The following PRSS50 variants were observed in gnomAD, a reference collection of about 807,000 sequenced individuals.
PRSS50 encodes serine protease 50, also known as probable threonine protease PRSS50.
In PRSS50, 23 loss-of-function variants were observed where a neutral mutation model predicts 34.2. The observed-to-expected ratio is 0.67, with a 90% CI of 0.48 to 0.95. The LOEUF is 0.95. PRSS50 is among the 40% of genes least tolerant of loss of function. The pLI is 0.00. For missense variants in PRSS50, 484 were observed against 513.4 expected (o/e 0.94, Z 0.55); for synonymous variants, 224 against 211.2 (o/e 1.06, Z -0.53).
In PRSS50 at chr3:46,717,414, G is replaced by A. The variant is rs1168859405; in HGVS notation, c.307+23C>T. On this transcript the variant is annotated intron_variant, in intron 2 of 5. Transcript: ENST00000315170. This position sits in a 1 kb window ranked among gnomAD's most constrained non-coding sequence, Gnocchi z 4.5. ...CCTCTGTCACCCTCCTTGCCCCACG[G>A]AGTCTACACCCCTGGTACTCACAGC... is the stretch of plus-strand genomic sequence containing the variant. The A allele has an allele frequency of 2.5e-6, 4 of 1,608,992 alleles. No homozygotes were observed. Among genetic ancestry groups the A allele is most frequent in the Non-Finnish European group, 3.4e-6 (4 of 1,177,456 alleles).
Position 46,717,100 on chromosome 3 carries a change from T to G in PRSS50, c.307+337A>C, listed in dbSNP as rs1700692963. Among the ~76,000 whole-genome samples the G allele has an allele frequency of 6.6e-6, 1 of 152,132 alleles. No homozygotes were observed. ...CTGGGAGCCTGGGTCAGAGGCATGA[T>G]GGGTGTCAGGGCCTGGAGCAGGGTG... is the stretch of plus-strand genomic sequence containing the variant. On this transcript the variant is annotated intron_variant, in intron 2 of 5. Transcript: ENST00000315170. The surrounding 1 kb of genome is among the most constrained non-coding windows in gnomAD (Gnocchi z 4.5).
rs200486713 is a variant in PRSS50 at position 46,714,212 on chromosome 3, A to G, written c.754+6T>C. ...CCCGCCCTGGTCTGCAGAGGCTTTG[A>G]CTCACCGTCAGCCTTGGAAAGTCCC... On this transcript the variant is annotated splice_donor_region_variant and intron_variant, in intron 4 of 5. Transcript: ENST00000315170. The G allele has an allele frequency of 6.2e-7, 1 of 1,612,620 alleles. No homozygotes were observed. The highest frequency in any genetic ancestry group is 2.2e-5 in the East Asian group (1 of 44,806).
At chr3:46,713,639 C>A (rs1011417802) in intron 4 of PRSS50, among the ~76,000 whole-genome samples, 1 of 152,248 alleles carries the variant, frequency 6.6e-6, no homozygotes, top group Non-Finnish European at 1.5e-5. Context: ...CAGGGAAGGG[C>A]ATCTCTCTTA....
At position 46,717,752 on chromosome 3, in the gene PRSS50, G is replaced by GCA; in HGVS notation, c.72_73insTG (p.Leu25CysfsTer9). The GCA allele has an allele frequency of 6.3e-7, 1 of 1,591,932 alleles. No homozygotes were observed. The highest frequency in any genetic ancestry group is 1.7e-5 in the Admixed American group (1 of 57,238). On this transcript the variant is annotated frameshift_variant, in exon 1 of 6. Coordinates refer to ENST00000315170, the MANE Select transcript of PRSS50 (RefSeq NM_013270.5). LOFTEE classifies it high-confidence loss of function. The surrounding 1 kb of genome is among the most constrained non-coding windows in gnomAD (Gnocchi z 4.5). ...CTCAGCAACAGAAGCAGCAGCAGCA[G>GCA]GGCACCGGCGCGGGAGGGGGCAGAC... is the stretch of plus-strand genomic sequence containing the variant.
At position 46,712,118 on chromosome 3, in the gene PRSS50, A is replaced by G. The variant is rs73831200; in HGVS notation, c.*128T>C. On this transcript the variant is annotated 3_prime_UTR_variant, in exon 6 of 6. Transcript: ENST00000315170. ...CTCTGAGGCCGGGGAAGAAGGAGGCATGGAAAACAGTAATGTTTAATTGAG... is the reference window on the plus strand; with the variant it reads ...CTCTGAGGCCGGGGAAGAAGGAGGCGTGGAAAACAGTAATGTTTAATTGAG... The G allele has an allele frequency of 3.9e-3, 3,402 of 869,928 alleles. 63 individuals are homozygous for G. In the African/African-American group the frequency reaches 0.049, roughly 13 times the overall value. 53.9% of individuals were successfully genotyped at this position (869,928 alleles called of 1,614,324 possible).
intron 4 of PRSS50, among the ~76,000 whole-genome samples, chr3:46,713,406 C>G (rs1417033506): frequency 6.6e-6 from 1 of 152,230 alleles, no homozygotes; most frequent in East Asian, 1.9e-4. Context: ...CATCCCTTCT[C>G]CCACAGGCCT....
intron 4 of PRSS50, 118 bp downstream of exon 4, chr3:46,714,100 G>C: frequency 7.5e-7 from 1 of 1,341,380 alleles, no homozygotes; most frequent in East Asian, 2.5e-5. Context: ...GAAGGTCCCG[G>C]GAGCGGCAGG....
rs147005917 is a variant in PRSS50, at chr3:46,712,901, A to G, written c.921T>C (p.Tyr307=). Residue 307 remains tyrosine, a splice_region_variant and synonymous_variant, in exon 5 of 6, where the codon TAT becomes TAC. Coordinates refer to ENST00000315170, the MANE Select transcript of PRSS50 (RefSeq NM_013270.5). ...GAGTGAGCGAGGAGAGGCCGCTCAC[A>G]TAGCAGAACTTCTCCCTGTGGGTGT... ...AEDTHREKFC[Y]ELTGEPLVCS... The G allele has an allele frequency of 3.7e-6, 6 of 1,613,420 alleles. No individual in the cohort carries two copies. Among genetic ancestry groups the G allele is most frequent in the South Asian group, 1.1e-5 (1 of 91,030 alleles).
At chr3:46,714,130 C>T (rs943414705) in intron 4 of PRSS50, 88 bp downstream of exon 4, 105 of 1,505,142 alleles carry the variant, frequency 7.0e-5, no homozygotes, top group Non-Finnish European at 8.9e-5. Context: ...GAAGGTGCCT[C>T]AGAAACATCC....
In PRSS50 at chr3:46,715,574, G is replaced by T; in HGVS notation, c.431C>A (p.Ala144Asp). ...GTHICAGTII[A>D]SQWVLTVAHC... ...GGCCACAGTCAGCACCCACTGGGAG[G>T]CAATGATGGTGCCGGCACAGATGTG... The change falls in exon 3 of 6, where the codon GCC becomes GAC. Residue 144 changes from alanine to aspartate, a missense_variant. Transcript: ENST00000315170. This position sits in a 1 kb window ranked among gnomAD's most constrained non-coding sequence, Gnocchi z 5.2. 1 of 1,613,820 alleles carries T rather than the reference G, an allele frequency of 6.2e-7. No individual in the cohort carries two copies. Among genetic ancestry groups the T allele is most frequent in the East Asian group, 2.2e-5 (1 of 44,868 alleles).
rs146746688 is a variant in PRSS50, at chr3:46,717,311, T to G, written c.307+126A>C. The stretch of plus-strand genomic sequence containing the variant: ...AGGTGTTTAGTGCTCAATGAACACC[T>G]GTAGAAGGAGGCGCTCCTCTATCCT... On this transcript the variant is annotated intron_variant, in intron 2 of 5. Coordinates refer to ENST00000315170, the MANE Select transcript of PRSS50 (RefSeq NM_013270.5). This position sits in a 1 kb window ranked among gnomAD's most constrained non-coding sequence, Gnocchi z 4.5. 2.2e-3 allele frequency: 2,331 copies of G among 1,062,738 alleles called. 41 individuals are homozygous for G. The African/African-American group carries it at 0.033, about 15-fold the overall frequency. 65.8% of individuals were successfully genotyped at this position (1,062,738 alleles called of 1,614,324 possible).
At chr3:46,714,577 C>T (rs1700657630) in intron 3 of PRSS50, 76 bp from the exon 4 acceptor site, 7 of 1,446,398 alleles carry the variant, frequency 4.8e-6, no homozygotes, top group Non-Finnish European at 6.4e-6. Flanking sequence ...CCTTCCCCCA[C>T]TCTGCTGCCC....
In PRSS50 at chr3:46,715,893, G is replaced by A. The variant is rs575568170; in HGVS notation, c.308-196C>T. ...CTCAGAAGGGTCCAAGCACTGCCCA[G>A]ATATCTCTCTCCCTGTTCCCACAGC... On this transcript the variant is annotated intron_variant, in intron 2 of 5. Transcript: ENST00000315170. This position sits in a 1 kb window ranked among gnomAD's most constrained non-coding sequence, Gnocchi z 5.2. Among the ~76,000 whole-genome samples the A allele has an allele frequency of 7.9e-4, 120 of 152,260 alleles. 2 individuals are homozygous for A. The highest frequency in any genetic ancestry group is 1.4e-3 in the Non-Finnish European group (95 of 68,018).
In PRSS50 at chr3:46,715,410, T is replaced by A; in HGVS notation, c.470+125A>T. 6 of 1,296,278 alleles carry A rather than the reference T, an allele frequency of 4.6e-6. No homozygotes were observed. The highest frequency in any genetic ancestry group is 6.3e-6 in the Non-Finnish European group (6 of 951,748). 80.3% of individuals were successfully genotyped at this position (1,296,278 alleles called of 1,614,324 possible). On this transcript the variant is annotated intron_variant, in intron 3 of 5. Coordinates refer to ENST00000315170, the MANE Select transcript of PRSS50 (RefSeq NM_013270.5). The surrounding 1 kb of genome is among the most constrained non-coding windows in gnomAD (Gnocchi z 5.2). ...GAATTTTCAGGACTCAGCCTCCACCTGCTTGGAGCCCAGATGAGGCTGGGG... is the reference window on the plus strand; with the variant it reads ...GAATTTTCAGGACTCAGCCTCCACCAGCTTGGAGCCCAGATGAGGCTGGGG...
Position 46,715,771 on chromosome 3 carries a change from G to A in PRSS50, c.308-74C>T, listed in dbSNP as rs1575472742. 4 of 1,470,406 alleles carry A rather than the reference G, an allele frequency of 2.7e-6. No homozygotes were observed. In the African/African-American group the frequency reaches 5.6e-5, roughly 20 times the overall value. The allele number at this position is 1,470,406 out of a possible 1,614,324, so 91.1% of individuals were successfully genotyped here. A position where few individuals can be genotyped will look rare whatever the true frequency, so the allele number is the denominator to read the frequency against. ...CTCCCCTCCCCCAGCCTGACCTCGTGCCTCTCCAGCCACTGGCCTGCACCC... is the reference window on the plus strand; with the variant it reads ...CTCCCCTCCCCCAGCCTGACCTCGTACCTCTCCAGCCACTGGCCTGCACCC... On this transcript the variant is annotated intron_variant, in intron 2 of 5. Coordinates refer to ENST00000315170, the MANE Select transcript of PRSS50 (RefSeq NM_013270.5). The surrounding 1 kb of genome is among the most constrained non-coding windows in gnomAD (Gnocchi z 5.2).
chr3:46,712,375 G>T lies in PRSS50; in HGVS notation c.1029C>A (p.Tyr343Ter). Residue 343 changes from tyrosine to a stop codon, truncating the protein, a stop_gained, in exon 6 of 6, where the codon TAC becomes TAA. Coordinates refer to ENST00000315170, the MANE Select transcript of PRSS50 (RefSeq NM_013270.5). LOFTEE classifies it low-confidence loss of function (END_TRUNC). ...GCQKSEAPPI[Y>*]LQVSSYQHWI... Reference sequence around the variant, plus strand: ...AGTGTTGGTAGGAGGAGACCTGTAGGTAGATGGGTGGGGCCTCGCTCTTCT... The same window carrying T: ...AGTGTTGGTAGGAGGAGACCTGTAGTTAGATGGGTGGGGCCTCGCTCTTCT... 1 of 1,613,946 alleles carries T rather than the reference G, an allele frequency of 6.2e-7. No individual in the cohort carries two copies. Among genetic ancestry groups the T allele is most frequent in the Non-Finnish European group, 8.5e-7 (1 of 1,179,940 alleles).
chr3:46,714,295 C>G lies in PRSS50; in HGVS notation c.677G>C (p.Cys226Ser), dbSNP rs1375439194. Residue 226 changes from cysteine to serine, a missense_variant, in exon 4 of 6, where the codon TGC (cysteine) becomes TCC (serine). Transcript: ENST00000315170. ...LKYSNYVRPI[C>S]LPGTDYVLKD... The stretch of plus-strand genomic sequence containing the variant: ...CAACACATAGTCCGTGCCAGGCAGG[C>G]AGATGGGCCGCACGTAATTGCTGTA... 2 of 1,614,166 alleles carry G rather than the reference C, an allele frequency of 1.2e-6. No homozygotes were observed. The highest frequency in any genetic ancestry group is 1.7e-6 in the Non-Finnish European group (2 of 1,180,042).
rs1429024940 is a variant in PRSS50, at chr3:46,712,909, ACTT to A, written c.910_912del (p.Lys304del). On this transcript the variant is annotated inframe_deletion, in exon 5 of 6. Transcript: ENST00000315170. ...GAGGAGAGGCCGCTCACATAGCAGA[ACTT>A]CTCCCTGTGGGTGTCCTCCGCACAC... 15 of 1,613,936 alleles carry A rather than the reference ACTT, an allele frequency of 9.3e-6. No individual in the cohort carries two copies. The highest frequency in any genetic ancestry group is 1.7e-5 in the Admixed American group (1 of 60,014).
In PRSS50 at chr3:46,712,119, T is replaced by C. The variant is rs940121077; in HGVS notation, c.*127A>G. On this transcript the variant is annotated 3_prime_UTR_variant, in exon 6 of 6. Coordinates refer to ENST00000315170, the MANE Select transcript of PRSS50 (RefSeq NM_013270.5). Reference sequence around the variant, plus strand: ...TCTGAGGCCGGGGAAGAAGGAGGCATGGAAAACAGTAATGTTTAATTGAGC... The same window carrying C: ...TCTGAGGCCGGGGAAGAAGGAGGCACGGAAAACAGTAATGTTTAATTGAGC... 4 of 873,586 alleles carry C rather than the reference T, an allele frequency of 4.6e-6. No homozygotes were observed. Among genetic ancestry groups the C allele is most frequent in the Non-Finnish European group, 1.8e-6 (1 of 570,692 alleles). 54.1% of individuals were successfully genotyped at this position (873,586 alleles called of 1,614,324 possible). A position where few individuals can be genotyped will look rare whatever the true frequency, so the allele number is the denominator to read the frequency against.
Sources: allele counts gnomAD v4.1 joint callset (sites outside exome capture counted in the v4.1 genomes callset), GRCh38; gene constraint gnomAD v4.1.1; non-coding constraint Gnocchi (gnomAD v3.1); transcripts MANE v1.5; gene names NCBI Gene and HGNC (gene_info 2026-07-23, HGNC 2026-07-21).